Variants in SORD observed in about 807,000 individuals in gnomAD.
SORD encodes the protein sorbitol dehydrogenase.
In SORD, 18 loss-of-function variants were observed where a neutral mutation model predicts 35.6. The ratio of observed to expected loss-of-function variants is 0.51; its 90% CI spans 0.35 to 0.75. SORD has a LOEUF of 0.75. SORD is among the 30% of genes least tolerant of loss of function. The pLI, the probability that SORD is intolerant of heterozygous loss-of-function variation, is 0.01. For synonymous variants in SORD, 106 were observed against 152.9 expected, an observed-to-expected ratio of 0.69 and a Z score of 2.26; for missense variants, 250 against 390.2, an observed-to-expected ratio of 0.64 and a Z score of 3.03.
intron 1 of SORD, among the ~76,000 whole-genome samples, chr15:45,024,899 GC>G (rs143314623): frequency 0.019 from 2,843 of 152,328 alleles, 57 homozygotes; most frequent in South Asian, 0.087. Context: ...ACAGGGAGGG[GC>G]CCTTGGCCCT....
At chr15:45,068,105 C>T in intron 5 of SORD, 76 bp from the exon 6 acceptor site, 1 of 1,111,322 alleles carries the variant, frequency 9.0e-7, no homozygotes. Context: ...GATATGGTTC[C>T]TATCCATGGC....
Position 45,057,640 on chromosome 15 carries a change from G to C in SORD, c.266-3427G>C, listed in dbSNP as rs189153497. On this transcript the variant is annotated intron_variant, in intron 3 of 8. Transcript: ENST00000267814. ...TCTACTAAAAATACAAAAATTAGCC[G>C]GGTGTGGTGGCAGGTGCCTGTAGTC... is the stretch of plus-strand genomic sequence containing the variant. Among the ~76,000 whole-genome samples, 10 of 152,108 alleles carry C rather than the reference G, an allele frequency of 6.6e-5. No homozygotes were observed. The East Asian group carries it at 1.9e-3, about 29-fold the overall frequency.
intron 3 of SORD, chr15:45,046,962 G>T (rs985972525): frequency 6.6e-6 from 1 of 152,236 alleles, no homozygotes; most frequent in Non-Finnish European, 1.5e-5. Context: ...AGGTTGCAGT[G>T]AGCTGAGATC....
At chr15:45,036,896 CAG>C (rs1176196599) in intron 1 of SORD, among the ~76,000 whole-genome samples, 2 of 152,060 alleles carry the variant, frequency 1.3e-5, no homozygotes, top group African/African-American at 4.8e-5. Flanking sequence ...GTATCTGAGA[CAG>C]AAAAAGATTA....
rs3100135 is a variant in SORD, at chr15:45,074,241, T to G, written c.*711T>G. The stretch of plus-strand genomic sequence containing the variant: ...TTGCCTCTTCTACAGCTTCTGAGAA[T>G]TGTGTTATTTCACTTGCCAAGTGAA... On this transcript the variant is annotated 3_prime_UTR_variant, in exon 9 of 9. Transcript: ENST00000267814. 29,228 of 141,824 alleles carry G rather than the reference T, an allele frequency of 0.21. 447 individuals carry two copies. Among genetic ancestry groups the G allele is most frequent in the African/African-American group, 0.3 (10,476 of 35,490 alleles). 8.8% of individuals were successfully genotyped at this position (141,824 alleles called of 1,614,324 possible). A position where few individuals can be genotyped will look rare whatever the true frequency, so the allele number is the denominator to read the frequency against.
chr15:45,041,374 C>T (rs528118546), intron 2 of SORD, among the ~76,000 whole-genome samples: 1 of 151,980 alleles, frequency 6.6e-6, no homozygotes, highest in Non-Finnish European at 1.5e-5. Flanking sequence ...CTCACCCTCC[C>T]CCTCTCACAC....
At chr15:45,069,193 T>TA in intron 7 of SORD, 141 bp downstream of exon 7, 3 of 315,908 alleles carry the variant, frequency 9.5e-6, no homozygotes, top group Non-Finnish European at 1.5e-5. Context: ...GTTTTCTTTT[T>TA]CTTTTTTTTT....
chr15:45,024,756 G>A (rs914786862), intron 1 of SORD, among the ~76,000 whole-genome samples: 2 of 152,046 alleles, frequency 1.3e-5, no homozygotes, highest in African/African-American at 4.8e-5. Context: ...CATGTGCCAG[G>A]CACTGGGCTG....
chr15:45,046,002 A>C (rs574658251), intron 3 of SORD, among the ~76,000 whole-genome samples: 55 of 152,128 alleles, frequency 3.6e-4, no homozygotes, highest in African/African-American at 1.3e-3. Flanking sequence ...CTCTATCTCA[A>C]AACAATAAAA....
At chr15:45,026,651 C>CA (rs1159538510) in intron 1 of SORD, among the ~76,000 whole-genome samples, 1 of 139,480 alleles carries the variant, frequency 7.2e-6, no homozygotes, top group Non-Finnish European at 1.5e-5. Flanking sequence ...AAGATCTTTT[C>CA]AAAAAATGTA....
chr15:45,056,510 T>C (rs1241996111), intron 3 of SORD, among the ~76,000 whole-genome samples: 1 of 152,196 alleles, frequency 6.6e-6, no homozygotes, highest in African/African-American at 2.4e-5. Flanking sequence ...TGGAAGAACA[T>C]TCCATGCTCA....
At chr15:45,049,888 T>C (rs62025092) in intron 3 of SORD, among the ~76,000 whole-genome samples, 53 of 152,248 alleles carry the variant, frequency 3.5e-4, no homozygotes, top group Non-Finnish European at 6.5e-4. Context: ...TGATAAGTTT[T>C]GAAGCATATT....
At chr15:45,038,159 CCTTCCTTCCT>C (rs1892902916) in intron 1 of SORD, among the ~76,000 whole-genome samples, 1 of 147,226 alleles carries the variant, frequency 6.8e-6, no homozygotes. Flanking sequence ...TTCCTTCCTT[CCTTCCTTCCT>C]TCCTTCCTTC....
At chr15:45,057,761 C>T (rs1566962653) in intron 3 of SORD, among the ~76,000 whole-genome samples, 3 of 151,738 alleles carry the variant, frequency 2.0e-5, no homozygotes, top group South Asian at 2.1e-4. Context: ...CCAGCCTGGG[C>T]AACAGAGTGA....
At chr15:45,061,703 TA>T (rs1893312054) in intron 4 of SORD, among the ~76,000 whole-genome samples, 1 of 151,658 alleles carries the variant, frequency 6.6e-6, no homozygotes, top group South Asian at 2.1e-4. Flanking sequence ...CCATCTCTAC[TA>T]AAAAAATACA....
At chr15:45,035,908 C>A (rs1892857945) in intron 1 of SORD, among the ~76,000 whole-genome samples, 1 of 151,496 alleles carries the variant, frequency 6.6e-6, no homozygotes, top group Non-Finnish European at 1.5e-5. Flanking sequence ...ACTCCGAACA[C>A]ATCTGAACAT....
chr15:45,032,151 G>C (rs1001674555), intron 1 of SORD, among the ~76,000 whole-genome samples: 49 of 133,064 alleles, frequency 3.7e-4, no homozygotes, highest in Non-Finnish European at 7.3e-4. Flanking sequence ...GGCTGCTGAG[G>C]GGGTAAAATG....
At chr15:45,039,135 CT>C (rs60032579) in intron 1 of SORD, among the ~76,000 whole-genome samples, 56 of 147,336 alleles carry the variant, frequency 3.8e-4, no homozygotes, top group Non-Finnish European at 3.8e-4. Flanking sequence ...CTCTCTCTTC[CT>C]TTTTTTTTTT....
At chr15:45,029,409 G>T (rs925500205) in intron 1 of SORD, among the ~76,000 whole-genome samples, 1 of 148,158 alleles carries the variant, frequency 6.7e-6, no homozygotes, top group African/African-American at 2.6e-5. Flanking sequence ...AACCCCTTGT[G>T]GGAGGGAGCA....
Sources: allele counts gnomAD v4.1 joint callset (sites outside exome capture counted in the v4.1 genomes callset), GRCh38; gene constraint gnomAD v4.1.1; transcripts MANE v1.5; gene names NCBI Gene and HGNC (gene_info 2026-07-23, HGNC 2026-07-21).